The following KCNJ3 variants were observed in gnomAD, a reference collection of about 807,000 sequenced individuals.
KCNJ3 encodes potassium inwardly rectifying channel subfamily J member 3.
A neutral mutation model predicts 39.2 loss-of-function variants in KCNJ3; 4 were observed. The ratio of observed to expected loss-of-function variants is 0.10; its 90% confidence interval spans 0.05 to 0.23. The LOEUF (loss-of-function observed/expected upper bound fraction) is 0.23, where lower values mean the gene tolerates loss of function less well. Ranked by LOEUF, KCNJ3 falls within the 10% of genes least tolerant of loss-of-function variation. The pLI is 1.00. For synonymous variants in KCNJ3, 230 were observed against 237.4 expected, an observed-to-expected ratio of 0.97 and a Z score of 0.29; for missense variants, 276 against 634.9, an observed-to-expected ratio of 0.43 and a Z score of 6.08.
At chr2:154,769,536 C>A (rs1339828839) in intron 2 of KCNJ3, among the ~76,000 whole-genome samples, 1 of 152,168 alleles carries the variant, frequency 6.6e-6, no homozygotes, top group Non-Finnish European at 1.5e-5. Context: ...ACGGATGAAG[C>A]CCACTTGATC....
intron 2 of KCNJ3, among the ~76,000 whole-genome samples, chr2:154,780,713 A>T (rs979783506): frequency 6.6e-6 from 1 of 152,308 alleles, no homozygotes; most frequent in Admixed American, 6.5e-5. Flanking sequence ...TATATCATAC[A>T]TAAATGTTAT....
chr2:154,857,134 T>G lies in KCNJ3; in HGVS notation c.*1821T>G, dbSNP rs984606216. 1 of 152,048 alleles carries G rather than the reference T, an allele frequency of 6.6e-6. No individual in the cohort carries two copies. 9.4% of individuals were successfully genotyped at this position (152,048 alleles called of 1,614,324 possible). A position where few individuals can be genotyped will look rare whatever the true frequency, so the allele number is the denominator to read the frequency against. On this transcript the variant is annotated 3_prime_UTR_variant, in exon 3 of 3. Transcript: ENST00000295101. ...TACTGGCAAAATGATCAATCTGGAGTGTGCATCCACTGTGAATGGAGCAAA... is the reference window on the plus strand; with the variant it reads ...TACTGGCAAAATGATCAATCTGGAGGGTGCATCCACTGTGAATGGAGCAAA...
intron 1 of KCNJ3, among the ~76,000 whole-genome samples, chr2:154,704,817 C>T (rs993119887): frequency 1.3e-5 from 2 of 151,288 alleles, no homozygotes; most frequent in African/African-American, 4.9e-5. Flanking sequence ...CAGATATTAC[C>T]CTGACCTCAT....
At chr2:154,753,364 T>C (rs1448174071) in intron 2 of KCNJ3, among the ~76,000 whole-genome samples, 1 of 152,150 alleles carries the variant, frequency 6.6e-6, no homozygotes, top group African/African-American at 2.4e-5. Context: ...ATACTAACGT[T>C]AGGAAAAATG....
Position 154,699,231 on chromosome 2 carries a change from A to T in KCNJ3, c.456A>T (p.Thr152=). The part of the protein sequence containing the change: ...ATIGYGYRYI[T]DKCPEGIILF... ...TCGGCTATGGCTACCGATACATCAC[A>T]GACAAGTGCCCCGAGGGCATCATCC... Residue 152 remains threonine, a synonymous_variant, in exon 1 of 3, where the codon ACA becomes ACT. Transcript: ENST00000295101. The surrounding 1 kb of genome is among the most constrained non-coding windows in gnomAD (Gnocchi z 6.4). 11 of 1,614,038 alleles carry T rather than the reference A, an allele frequency of 6.8e-6. No homozygotes were observed. The highest frequency in any genetic ancestry group is 9.3e-6 in the Non-Finnish European group (11 of 1,180,022).
chr2:154,789,909 G>T (rs1019275276), intron 2 of KCNJ3, among the ~76,000 whole-genome samples: 1 of 152,018 alleles, frequency 6.6e-6, no homozygotes, highest in Admixed American at 6.6e-5. Context: ...AATACAAAAT[G>T]AACACTAATT....
chr2:154,723,878 T>C (rs1450763882), intron 2 of KCNJ3, among the ~76,000 whole-genome samples: 1 of 152,156 alleles, frequency 6.6e-6, no homozygotes, highest in Non-Finnish European at 1.5e-5. Context: ...TTCAGAGTGA[T>C]ATGAAGATAA....
At chr2:154,830,573 T>A (rs200156904) in intron 2 of KCNJ3, among the ~76,000 whole-genome samples, 3 of 152,168 alleles carry the variant, frequency 2.0e-5, no homozygotes, top group Non-Finnish European at 2.9e-5. Flanking sequence ...GCCAGTGCTC[T>A]GTCAGCAGAT....
intron 2 of KCNJ3, among the ~76,000 whole-genome samples, chr2:154,832,227 T>G (rs540505274): frequency 3.6e-4 from 55 of 152,142 alleles, no homozygotes; most frequent in Non-Finnish European, 6.8e-4. Flanking sequence ...GGTTCAAGTG[T>G]CCAAACCATA....
At chr2:154,772,388 G>A (rs1265252760) in intron 2 of KCNJ3, among the ~76,000 whole-genome samples, 4 of 151,986 alleles carry the variant, frequency 2.6e-5, no homozygotes, top group Non-Finnish European at 5.9e-5. Context: ...ATGGCAAAGT[G>A]TTTCTTTTTT....
chr2:154,748,095 G>C (rs1469468046), intron 2 of KCNJ3, among the ~76,000 whole-genome samples: 1 of 151,882 alleles, frequency 6.6e-6, no homozygotes, highest in Non-Finnish European at 1.5e-5. Context: ...AAAATTTTCT[G>C]TCAACCCTGT....
At chr2:154,729,790 A>T (rs1685421007) in intron 2 of KCNJ3, among the ~76,000 whole-genome samples, 1 of 152,166 alleles carries the variant, frequency 6.6e-6, no homozygotes, top group Non-Finnish European at 1.5e-5. Context: ...TTATAAAGCA[A>T]ACTGTAATGA....
chr2:154,793,910 G>A (rs1002432447), intron 2 of KCNJ3, among the ~76,000 whole-genome samples: 4 of 151,950 alleles, frequency 2.6e-5, no homozygotes, highest in African/African-American at 9.7e-5. Flanking sequence ...CACTTGTACT[G>A]TAGATTCTGA....
intron 2 of KCNJ3, among the ~76,000 whole-genome samples, chr2:154,816,999 T>C (rs1418650987): frequency 2.0e-5 from 3 of 152,168 alleles, no homozygotes; most frequent in African/African-American, 7.2e-5. Flanking sequence ...TTCTGGCAAG[T>C]CATTTGGCCC....
chr2:154,767,459 G>C (rs1467871290), intron 2 of KCNJ3, among the ~76,000 whole-genome samples: 3 of 152,062 alleles, frequency 2.0e-5, no homozygotes, highest in Non-Finnish European at 4.4e-5. Context: ...CCTTGTGATA[G>C]TTTGCTGAGA....
chr2:154,770,073 A>T (rs538530245), intron 2 of KCNJ3, among the ~76,000 whole-genome samples: 16 of 152,314 alleles, frequency 1.1e-4, no homozygotes, highest in African/African-American at 3.4e-4. Flanking sequence ...TAAGTTTCAG[A>T]ATGAGTTGCA....
intron 2 of KCNJ3, among the ~76,000 whole-genome samples, chr2:154,723,953 A>G (rs1685307107): frequency 6.6e-6 from 1 of 152,178 alleles, no homozygotes; most frequent in Non-Finnish European, 1.5e-5. Flanking sequence ...GCTTTTTAAC[A>G]GGAAATCTGT....
chr2:154,760,800 G>A (rs1403741049), intron 2 of KCNJ3, among the ~76,000 whole-genome samples: 2 of 143,814 alleles, frequency 1.4e-5, no homozygotes, highest in East Asian at 2.1e-4. Context: ...GCAGTGGTGC[G>A]ATCTCTGCTC....
At chr2:154,828,020 T>A (rs1277763604) in intron 2 of KCNJ3, among the ~76,000 whole-genome samples, 1 of 152,176 alleles carries the variant, frequency 6.6e-6, no homozygotes, top group African/African-American at 2.4e-5. Flanking sequence ...ATTTTTGACT[T>A]CTATACTTCA....
Sources: allele counts gnomAD v4.1 joint callset (sites outside exome capture counted in the v4.1 genomes callset), GRCh38; gene constraint gnomAD v4.1.1; non-coding constraint Gnocchi (gnomAD v3.1); transcripts MANE v1.5; gene names NCBI Gene and HGNC (gene_info 2026-07-23, HGNC 2026-07-21).